Variants in ALPK3 observed in about 807,000 individuals in gnomAD.
ALPK3 encodes alpha kinase 3, also known as alpha-protein kinase 3.
ALPK3 carries 102 observed loss-of-function variants against 140.0 expected under a neutral mutation model. The observed-to-expected ratio is 0.73, with a 90% CI of 0.62 to 0.86. The LOEUF is 0.86. Among genes scored for constraint, ALPK3 ranks in the 40% least tolerant of loss-of-function variants. ALPK3 has a pLI of 0.00. For missense variants in ALPK3, 2,254 were observed against 2,208.2 expected (o/e 1.02, Z -0.42); for synonymous variants, 938 against 898.5 (o/e 1.04, Z -0.79).
chr15:84,847,986 T>A (rs1963752089), intron 5 of ALPK3, among the ~76,000 whole-genome samples: 1 of 151,202 alleles, frequency 6.6e-6, no homozygotes, highest in African/African-American at 2.4e-5. Context: ...CACTTGAACC[T>A]AGGAGGCAGA....
At position 84,827,502 on chromosome 15, in the gene ALPK3, C is replaced by T; in HGVS notation, c.201C>T (p.Ile67=). 1 of 1,614,222 alleles carries T rather than the reference C, an allele frequency of 6.2e-7. No individual in the cohort carries two copies. The highest frequency in any genetic ancestry group is 8.5e-7 in the Non-Finnish European group (1 of 1,180,036). The change falls in exon 3 of 14, where the codon ATC becomes ATT. Residue 67 remains isoleucine, a synonymous_variant. Transcript: ENST00000258888. ...PSSGRSTFCS[I]IAQLTEETQP... ...CTCTTAGGAGCACCTTCTGCTCCATCATTGCTCAGCTCACAGAGGAGACCC... is the reference window on the plus strand; with the variant it reads ...CTCTTAGGAGCACCTTCTGCTCCATTATTGCTCAGCTCACAGAGGAGACCC...
intron 5 of ALPK3, among the ~76,000 whole-genome samples, chr15:84,842,789 ACT>A (rs1458708085): frequency 2.0e-5 from 3 of 152,004 alleles, no homozygotes; most frequent in Non-Finnish European, 4.4e-5. Context: ...CCTGTTCCTG[ACT>A]CTTGTCCCCC....
Position 84,850,226 on chromosome 15 carries a change from T to G in ALPK3, c.1654-6166T>G, listed in dbSNP as rs553398636. Reference sequence around the variant, plus strand: ...GCCCCATCCCTGTTAAGGTCCTGGTTTTGTCCCTTGCTCTTCCAAACCAGC... The same window carrying G: ...GCCCCATCCCTGTTAAGGTCCTGGTGTTGTCCCTTGCTCTTCCAAACCAGC... On this transcript the variant is annotated intron_variant, in intron 5 of 13. Transcript: ENST00000258888. Among the ~76,000 whole-genome samples the G allele has an allele frequency of 3.8e-3, 583 of 152,282 alleles. 2 individuals are homozygous for G. Among genetic ancestry groups the G allele is most frequent in the Non-Finnish European group, 7.0e-3 (477 of 68,014 alleles).
intron 3 of ALPK3, among the ~76,000 whole-genome samples, chr15:84,838,338 T>G (rs554461292): frequency 1.4e-4 from 22 of 152,214 alleles, no homozygotes; most frequent in Admixed American, 3.3e-4. Context: ...TGGGCCACTA[T>G]AGAAGGAAGC....
At chr15:84,843,014 A>G (rs1409636887) in intron 5 of ALPK3, among the ~76,000 whole-genome samples, 1 of 152,176 alleles carries the variant, frequency 6.6e-6, no homozygotes, top group Non-Finnish European at 1.5e-5. Context: ...TCTCTGCCTA[A>G]ATGGTGAGGA....
intron 5 of ALPK3, among the ~76,000 whole-genome samples, chr15:84,847,115 A>T (rs306207): frequency 0.46 from 69,333 of 151,700 alleles, 16,780 homozygotes; most frequent in Non-Finnish European, 0.55. Context: ...CAGGGAGAAG[A>T]CAGTGAACTT....
chr15:84,861,809 A>G (rs1034901817), intron 9 of ALPK3, among the ~76,000 whole-genome samples: 1 of 152,068 alleles, frequency 6.6e-6, no homozygotes, highest in Admixed American at 6.6e-5. Flanking sequence ...ACCGTTTTCC[A>G]TAGGTGACCA....
intron 2 of ALPK3, among the ~76,000 whole-genome samples, chr15:84,826,309 A>G (rs1045122103): frequency 6.6e-6 from 1 of 152,220 alleles, no homozygotes; most frequent in African/African-American, 2.4e-5. Flanking sequence ...GGCCATGGAC[A>G]GACAAACATT....
chr15:84,863,397 A>G lies in ALPK3; in HGVS notation c.4411-155A>G, dbSNP rs1440987345. 3 of 622,150 alleles carry G rather than the reference A, an allele frequency of 4.8e-6. No homozygotes were observed. In the African/African-American group the frequency reaches 5.5e-5, roughly 11 times the overall value. 38.5% of individuals were successfully genotyped at this position (622,150 alleles called of 1,614,324 possible). A position where few individuals can be genotyped will look rare whatever the true frequency, so the allele number is the denominator to read the frequency against. On this transcript the variant is annotated intron_variant, in intron 10 of 13. Transcript: ENST00000258888. ...TACAAAAGAGGAAAATGAGATGCAG[A>G]GTGGGGAGCAGGGAGGAGTAAGCCC... is the stretch of plus-strand genomic sequence containing the variant.
In ALPK3 at chr15:84,819,095, G is replaced by C. The variant is rs533174805; in HGVS notation, c.143+1500G>C. On this transcript the variant is annotated intron_variant, in intron 1 of 13. Coordinates refer to ENST00000258888, the MANE Select transcript of ALPK3 (RefSeq NM_020778.5). Reference sequence around the variant, plus strand: ...ACCAGGCAGAATGGGGAGGGCAGGGGATCTGGGCTTTTAGGAAAAGGGCTG... The same window carrying C: ...ACCAGGCAGAATGGGGAGGGCAGGGCATCTGGGCTTTTAGGAAAAGGGCTG... Among the ~76,000 whole-genome samples the C allele has an allele frequency of 5.3e-5, 8 of 152,236 alleles. No homozygotes were observed. In the East Asian group the frequency reaches 1.4e-3, roughly 26 times the overall value.
chr15:84,861,977 G>T (rs1963950095), intron 9 of ALPK3, among the ~76,000 whole-genome samples: 1 of 152,180 alleles, frequency 6.6e-6, no homozygotes, highest in African/African-American at 2.4e-5. Context: ...AGCCCCTTCA[G>T]GTTGGCCCCT....
chr15:84,836,811 C>T (rs894670726), intron 3 of ALPK3, among the ~76,000 whole-genome samples: 1 of 152,072 alleles, frequency 6.6e-6, no homozygotes, highest in Non-Finnish European at 1.5e-5. Context: ...AGAATTAGGA[C>T]CTCCTGGGTT....
At position 84,839,988 on chromosome 15, in the gene ALPK3, G is replaced by A. The variant is rs767299689; in HGVS notation, c.709G>A (p.Val237Ile). ...CGGGGCTCAAGCGCCGGGCCCCTCGGTCCCTACCAGGGAGCCTGAGGGTGG... is the reference window on the plus strand; with the variant it reads ...CGGGGCTCAAGCGCCGGGCCCCTCGATCCCTACCAGGGAGCCTGAGGGTGG... ...LSGAQAPGPS[V>I]PTREPEGGTL... The change falls in exon 5 of 14, where the codon GTC becomes ATC. Residue 237 changes from valine to isoleucine, a missense_variant. Physicochemically the swap from Val to Ile is conservative, Grantham distance 29 (BLOSUM62 3). Around this residue, in one of 3 missense-constraint regions of ALPK3, gnomAD observed 2,088 missense variants for 2,022.9 expected, o/e 1.03. Transcript: ENST00000258888. 4 of 1,613,198 alleles carry A rather than the reference G, an allele frequency of 2.5e-6. No homozygotes were observed. Among genetic ancestry groups the A allele is most frequent in the Non-Finnish European group, 3.4e-6 (4 of 1,179,608 alleles).
chr15:84,845,364 T>A (rs1488133510), intron 5 of ALPK3, among the ~76,000 whole-genome samples: 1 of 152,056 alleles, frequency 6.6e-6, no homozygotes, highest in Non-Finnish European at 1.5e-5. Context: ...ATCCTAAGAG[T>A]GGGACAAGTC....
Position 84,871,224 on chromosome 15 carries a change from C to T in ALPK3, c.*2768C>T, listed in dbSNP as rs1393232098. 1 of 152,426 alleles carries T rather than the reference C, an allele frequency of 6.6e-6. No individual in the cohort carries two copies. The highest frequency in any genetic ancestry group is 1.5e-5 in the Non-Finnish European group (1 of 68,030). 9.4% of individuals were successfully genotyped at this position (152,426 alleles called of 1,614,324 possible). A position where few individuals can be genotyped will look rare whatever the true frequency, so the allele number is the denominator to read the frequency against. On this transcript the variant is annotated 3_prime_UTR_variant, in exon 14 of 14. Transcript: ENST00000258888. ...ATGGACTTTTGATCTGGTGGAGGGA[C>T]CCAAACCTTCAGTTCTGAAGCTCAT...
chr15:84,843,448 A>G (rs1963690003), intron 5 of ALPK3, among the ~76,000 whole-genome samples: 2 of 152,148 alleles, frequency 1.3e-5, no homozygotes, highest in African/African-American at 4.8e-5. Context: ...GACTAAGGAG[A>G]CAAAAATTAG....
At chr15:84,819,233 G>A (rs1963396798) in intron 1 of ALPK3, among the ~76,000 whole-genome samples, 2 of 152,254 alleles carry the variant, frequency 1.3e-5, no homozygotes, top group South Asian at 2.1e-4. Context: ...AGGCAGGATA[G>A]AAGTGGCTGG....
chr15:84,862,947 T>C (rs1222497034), intron 10 of ALPK3, 32 bp downstream of exon 10: 1 of 1,598,222 alleles, frequency 6.3e-7, no homozygotes, highest in Non-Finnish European at 8.5e-7. Context: ...CCCCATTCTT[T>C]TATTCTCTCA....
chr15:84,864,576 G>A lies in ALPK3; in HGVS notation c.4634G>A (p.Gly1545Asp). The A allele has an allele frequency of 1.2e-6, 2 of 1,614,224 alleles. No individual in the cohort carries two copies. Among genetic ancestry groups the A allele is most frequent in the African/African-American group, 1.3e-5 (1 of 75,056 alleles). ...TGTGCTGAGGCTCCGACAGCATCTG[G>A]CAGCTCTGAGGCCATGCAGAAATGC... ...WGCAEAPTASGSSEAMQKCQT... is the reference protein window; with the variant it reads ...WGCAEAPTASDSSEAMQKCQT... The change falls in exon 12 of 14, where the codon GGC (glycine) becomes GAC (aspartate). Residue 1545 changes from glycine to aspartate, a missense_variant. By Grantham distance (94) the Gly-to-Asp change is moderately conservative. Around this residue, in one of 3 missense-constraint regions of ALPK3, gnomAD observed 2,088 missense variants for 2,022.9 expected, o/e 1.03. Coordinates refer to ENST00000258888, the MANE Select transcript of ALPK3 (RefSeq NM_020778.5).
Sources: gnomAD v4.1 joint callset for allele counts (sites outside exome capture counted in the v4.1 genomes callset) on GRCh38, gnomAD v4.1.1 for gene constraint, gnomAD v4.1.1 regional missense constraint, MANE v1.5 for transcripts, NCBI Gene and HGNC (gene_info 2026-07-23, HGNC 2026-07-21) for gene names.